The following PLCE1 variants were observed in gnomAD, a reference collection of about 807,000 sequenced individuals.
PLCE1 encodes the protein phospholipase C epsilon 1.
A neutral mutation model predicts 242.8 loss-of-function variants in PLCE1; 119 were observed. The observed-to-expected ratio is 0.49, with a 90% CI of 0.42 to 0.57. The LOEUF is 0.57. PLCE1 is among the 20% of genes least tolerant of loss of function. The probability of loss-of-function intolerance (pLI) is 0.00; values close to 1 mark genes in which losing one functional copy is unlikely to be tolerated. For synonymous variants in PLCE1, 945 were observed against 1,017.4 expected, an observed-to-expected ratio of 0.93 and a Z score of 1.35; for missense variants, 2,441 against 2,788.8, an observed-to-expected ratio of 0.88 and a Z score of 2.81.
At chr10:94,011,378 G>T (rs1403830485) in intron 1 of PLCE1, among the ~76,000 whole-genome samples, 1 of 152,146 alleles carries the variant, frequency 6.6e-6, no homozygotes, top group Non-Finnish European at 1.5e-5. Context: ...CCATGATACA[G>T]TATCTCCCAC....
intron 30 of PLCE1, among the ~76,000 whole-genome samples, chr10:94,323,245 T>G (rs1426434449): frequency 6.6e-6 from 1 of 152,188 alleles, no homozygotes. Context: ...GAAGTTTGCT[T>G]CCTTCATAGC....
chr10:94,146,999 C>G lies in PLCE1; in HGVS notation c.1492+14540C>G, dbSNP rs2047132160. Among the ~76,000 whole-genome samples the G allele has an allele frequency of 3.9e-5, 6 of 152,264 alleles. No individual in the cohort carries two copies. The South Asian group carries it at 1.2e-3, about 32-fold the overall frequency. Reference sequence around the variant, plus strand: ...CCAACCTTATTTCTATTTTCAATATCCTTTGTCACTCTTTCCAGCCTCACG... The same window carrying G: ...CCAACCTTATTTCTATTTTCAATATGCTTTGTCACTCTTTCCAGCCTCACG... On this transcript the variant is annotated intron_variant, in intron 3 of 32. Transcript: ENST00000371380.
chr10:94,258,639 T>G (rs1196281512), intron 11 of PLCE1, among the ~76,000 whole-genome samples, 161 bp from the exon 12 acceptor site: 1 of 152,208 alleles, frequency 6.6e-6, no homozygotes. Flanking sequence ...TGATACAATA[T>G]AGGTTAAGAG....
chr10:94,083,255 C>T (rs2135261535), intron 2 of PLCE1, among the ~76,000 whole-genome samples: 1 of 152,294 alleles, frequency 6.6e-6, no homozygotes, highest in African/African-American at 2.4e-5. Flanking sequence ...AAAATAACAT[C>T]AGGGTGTATG....
chr10:94,269,906 AT>A (rs2051665279), intron 17 of PLCE1, among the ~76,000 whole-genome samples: 1 of 152,084 alleles, frequency 6.6e-6, no homozygotes, highest in African/African-American at 2.4e-5. Flanking sequence ...ATATAACATA[AT>A]TTTTCTCTGA....
intron 13 of PLCE1, 67 bp downstream of exon 13, chr10:94,259,217 G>A: frequency 6.7e-7 from 1 of 1,498,922 alleles, no homozygotes; most frequent in Non-Finnish European, 9.3e-7. Flanking sequence ...CAGAGGTCCA[G>A]TCACACAAAC....
chr10:94,306,739 T>A lies in PLCE1; in HGVS notation c.5884+51T>A, dbSNP rs1367547699. On this transcript the variant is annotated intron_variant, in intron 26 of 32. Transcript: ENST00000371380. The surrounding 1 kb of genome is among the most constrained non-coding windows in gnomAD (Gnocchi z 5.7). ...ATAATTGTTGTAGCTAGGTGATGGA[T>A]GCCAGAATTTCCTTATACTCTTCTC... The A allele has an allele frequency of 3.6e-6, 5 of 1,370,010 alleles. No individual in the cohort carries two copies. Among genetic ancestry groups the A allele is most frequent in the Non-Finnish European group, 4.1e-6 (4 of 975,802 alleles). The allele number at this position is 1,370,010 out of a possible 1,614,324, so 84.9% of individuals were successfully genotyped here. A position where few individuals can be genotyped will look rare whatever the true frequency, so the allele number is the denominator to read the frequency against.
At chr10:94,009,040 G>A (rs987837412) in intron 1 of PLCE1, among the ~76,000 whole-genome samples, 1 of 152,098 alleles carries the variant, frequency 6.6e-6, no homozygotes. Flanking sequence ...TAGTCTTCTC[G>A]TGAATTGCTA....
chr10:94,204,802 G>GGAAGGAAGGAAGGAAA (rs1564786995), intron 4 of PLCE1, among the ~76,000 whole-genome samples: 18 of 37,078 alleles, frequency 4.9e-4, no homozygotes, highest in African/African-American at 1.6e-3. Flanking sequence ...AAGGAAGGAA[G>GGAAGGAAGGAAGGAAA]CAAAATAATG....
chr10:93,994,803 C>T (rs1290565837), intron 1 of PLCE1, among the ~76,000 whole-genome samples: 1 of 152,190 alleles, frequency 6.6e-6, no homozygotes, highest in Non-Finnish European at 1.5e-5. Flanking sequence ...GAAGCTTTCG[C>T]CCCTCGCTCT....
At chr10:94,137,335 G>A (rs2046814313) in intron 3 of PLCE1, among the ~76,000 whole-genome samples, 1 of 152,158 alleles carries the variant, frequency 6.6e-6, no homozygotes. Context: ...AATTTTCAAA[G>A]CTATCACCTG....
chr10:94,029,948 G>T (rs1374830159), intron 1 of PLCE1, among the ~76,000 whole-genome samples: 5 of 152,172 alleles, frequency 3.3e-5, no homozygotes, highest in African/African-American at 4.8e-5. Flanking sequence ...ACATTGGATA[G>T]AAATTTTTTT....
chr10:94,115,993 G>A (rs2046115223), intron 2 of PLCE1, among the ~76,000 whole-genome samples: 1 of 152,164 alleles, frequency 6.6e-6, no homozygotes, highest in South Asian at 2.1e-4. Context: ...GCACTTTATA[G>A]GGCCATGATG....
chr10:94,316,437 A>T, intron 28 of PLCE1, 110 bp from the exon 29 acceptor site: 1 of 721,370 alleles, frequency 1.4e-6, no homozygotes, highest in Non-Finnish European at 2.5e-6. Flanking sequence ...GCAATACTCT[A>T]GAGTAAATTT....
chr10:94,313,684 G>T (rs1371647435), intron 28 of PLCE1, among the ~76,000 whole-genome samples: 1 of 152,084 alleles, frequency 6.6e-6, no homozygotes, highest in African/African-American at 2.4e-5. Flanking sequence ...GGAATGAGTG[G>T]CCTTCCAACC....
intron 2 of PLCE1, among the ~76,000 whole-genome samples, chr10:94,055,075 G>C (rs1176384449): frequency 6.7e-6 from 1 of 150,042 alleles, no homozygotes; most frequent in East Asian, 2.0e-4. Context: ...AGCCTAAATA[G>C]ATTACAGAGT....
intron 2 of PLCE1, among the ~76,000 whole-genome samples, chr10:94,041,751 G>T (rs1274789009): frequency 6.6e-6 from 1 of 152,138 alleles, no homozygotes; most frequent in African/African-American, 2.4e-5. Context: ...GAGGGATAGG[G>T]ACAGCATGCT....
At chr10:94,140,303 C>G (rs920068690) in intron 3 of PLCE1, among the ~76,000 whole-genome samples, 1 of 151,440 alleles carries the variant, frequency 6.6e-6, no homozygotes, top group African/African-American at 2.4e-5. Flanking sequence ...GAGGTCGAGG[C>G]GAGCACATCA....
intron 2 of PLCE1, among the ~76,000 whole-genome samples, chr10:94,123,550 T>C (rs1467920132): frequency 6.6e-6 from 1 of 152,230 alleles, no homozygotes; most frequent in East Asian, 1.9e-4. Flanking sequence ...ACCAAAATTC[T>C]CCTCCCCATC....
Sources: allele counts gnomAD v4.1 joint callset (sites outside exome capture counted in the v4.1 genomes callset), GRCh38; gene constraint gnomAD v4.1.1; non-coding constraint Gnocchi (gnomAD v3.1); transcripts MANE v1.5; gene names NCBI Gene and HGNC (gene_info 2026-07-23, HGNC 2026-07-21).